The following ERICH1 variants were observed in gnomAD, a reference collection of about 807,000 sequenced individuals.
ERICH1 encodes glutamate-rich protein 1.
A neutral mutation model predicts 39.6 loss-of-function variants in ERICH1; 56 were observed. The observed-to-expected ratio is 1.41, with a 90% confidence interval of 1.14 to 1.77. The LOEUF is 1.77. ERICH1 is among the 40% of genes most tolerant of loss of function. The pLI is 0.00. For missense variants in ERICH1, 826 were observed against 575.4 expected, an observed-to-expected ratio of 1.44 and a Z score of -4.45; for synonymous variants, 313 against 223.6, an observed-to-expected ratio of 1.40 and a Z score of -3.57.
intron 2 of ERICH1, among the ~76,000 whole-genome samples, chr8:708,984 T>C (rs145721833): frequency 1.9e-3 from 287 of 152,180 alleles, no homozygotes; most frequent in African/African-American, 6.6e-3. Context: ...GTGAGCCACT[T>C]TGCCCGGCCA....
intron 1 of ERICH1, among the ~76,000 whole-genome samples, chr8:718,512 G>T (rs1375746193): frequency 6.6e-6 from 1 of 152,174 alleles, no homozygotes; most frequent in Non-Finnish European, 1.5e-5. Flanking sequence ...TGATATAGGT[G>T]TACAGTACAT....
intron 2 of ERICH1, among the ~76,000 whole-genome samples, chr8:708,626 T>A (rs1259302755): frequency 2.7e-5 from 4 of 150,828 alleles, no homozygotes; most frequent in Non-Finnish European, 5.9e-5. Context: ...AGATTAGTGG[T>A]TTCCAGAGGC....
At chr8:674,859 G>A (rs1669735) in intron 3 of ERICH1, among the ~76,000 whole-genome samples, 2,130 of 152,300 alleles carry the variant, frequency 0.014, 56 homozygotes, top group African/African-American at 0.048. Flanking sequence ...GGTTGGTGAT[G>A]TGCTGGTAAA....
At chr8:722,797 G>C (rs547181270) in intron 1 of ERICH1, among the ~76,000 whole-genome samples, 1 of 152,234 alleles carries the variant, frequency 6.6e-6, no homozygotes, top group Non-Finnish European at 1.5e-5. Flanking sequence ...TGAAGAATGA[G>C]ATCAGTTCAA....
intron 1 of ERICH1, among the ~76,000 whole-genome samples, chr8:730,061 C>G (rs184233986): frequency 9.7e-4 from 148 of 152,250 alleles, no homozygotes; most frequent in African/African-American, 3.5e-3. Context: ...AATTCACAGC[C>G]TGCCAGCCCT....
chr8:632,344 G>T (rs1238774508), intron 3 of ERICH1, among the ~76,000 whole-genome samples: 1 of 149,144 alleles, frequency 6.7e-6, no homozygotes, highest in African/African-American at 2.4e-5. Context: ...AAATAATAAT[G>T]AATGCCAAGG....
chr8:634,168 C>CAAAAAAAAAAAAAAAA (rs56687918), intron 3 of ERICH1, among the ~76,000 whole-genome samples: 3 of 91,998 alleles, frequency 3.3e-5, no homozygotes, highest in Non-Finnish European at 6.9e-5. Context: ...TCCTAAAACT[C>CAAAAAAAAAAAAAAAA]AAAAAAAAAA....
intron 3 of ERICH1, among the ~76,000 whole-genome samples, chr8:677,089 C>A (rs1805016757): frequency 6.6e-6 from 1 of 152,246 alleles, no homozygotes. Flanking sequence ...GGCCTGCCCG[C>A]ATGCTGGACA....
chr8:673,090 C>G (rs1166092365), intron 4 of ERICH1, among the ~76,000 whole-genome samples, 199 bp downstream of exon 4: 1 of 152,270 alleles, frequency 6.6e-6, no homozygotes, highest in Non-Finnish European at 1.5e-5. Context: ...CGGTGGAAAG[C>G]ACATAAATAC....
rs943681933 is a variant in ERICH1 at position 628,269 on chromosome 8, C to T, written c.977-12985G>A. On this transcript the variant is annotated intron_variant, in intron 3 of 3. Coordinates refer to the ERICH1 transcript ENST00000522706. ...AGCAGGGTGGAACCCTGGCCAGGGCCCCTGTGTCAGCTCAGAGCTGGCTGT... is the reference window on the plus strand; with the variant it reads ...AGCAGGGTGGAACCCTGGCCAGGGCTCCTGTGTCAGCTCAGAGCTGGCTGT... Among the ~76,000 whole-genome samples, 16 of 152,182 alleles carry T rather than the reference C, an allele frequency of 1.1e-4. 1 individual carries two copies. Among genetic ancestry groups the T allele is most frequent in the Admixed American group, 7.9e-4 (12 of 15,278 alleles).
At chr8:717,588 T>C (rs906887) in intron 1 of ERICH1, among the ~76,000 whole-genome samples, 206 of 152,338 alleles carry the variant, frequency 1.4e-3, no homozygotes, top group African/African-American at 4.8e-3. Flanking sequence ...GAGGAGATGG[T>C]AGGCAGATAA....
intron 3 of ERICH1, among the ~76,000 whole-genome samples, chr8:632,334 A>T (rs567420004): frequency 5.9e-5 from 9 of 152,226 alleles, no homozygotes; most frequent in East Asian, 3.9e-4. Context: ...AGTAAAAAAA[A>T]AATAATAATG....
chr8:663,527 A>AGGCGGGACG (rs1801743578), downstream of ERICH1, among the ~76,000 whole-genome samples: 1 of 151,218 alleles, frequency 6.6e-6, no homozygotes, highest in African/African-American at 2.4e-5. Context: ...CAGGCGGGAC[A>AGGCGGGACG]GGCGGGACAG....
At chr8:688,070 C>T (rs1585315470) in intron 3 of ERICH1, among the ~76,000 whole-genome samples, 1 of 152,180 alleles carries the variant, frequency 6.6e-6, no homozygotes, top group Admixed American at 6.5e-5. Context: ...CGGTCAAATT[C>T]CTCAGGCACC....
At chr8:671,201 T>C (rs1476909111) in intron 4 of ERICH1, among the ~76,000 whole-genome samples, 87 of 75,016 alleles carry the variant, frequency 1.2e-3, no homozygotes, top group African/African-American at 1.7e-3. Flanking sequence ...CTGCCGGCCC[T>C]GGCTGTAATG....
At chr8:697,104 C>T (rs918306835) in intron 2 of ERICH1, among the ~76,000 whole-genome samples, 1 of 152,214 alleles carries the variant, frequency 6.6e-6, no homozygotes, top group African/African-American at 2.4e-5. Context: ...TAGCAGGGCT[C>T]TCTGTATATA....
At chr8:700,578 A>ACAGGCGCACCGG (rs1563300033) in intron 2 of ERICH1, among the ~76,000 whole-genome samples, 4 of 90,430 alleles carry the variant, frequency 4.4e-5, no homozygotes, top group African/African-American at 1.5e-4. Flanking sequence ...AGGCGCACAG[A>ACAGGCGCACCGG]CCCGCACACA....
chr8:708,859 A>AT (rs1387069494), intron 2 of ERICH1, among the ~76,000 whole-genome samples: 1 of 151,352 alleles, frequency 6.6e-6, no homozygotes, highest in African/African-American at 2.4e-5. Flanking sequence ...TACCTGGCTA[A>AT]TTTTTGTACT....
chr8:649,700 G>A (rs1002936796), intron 3 of ERICH1, among the ~76,000 whole-genome samples: 20 of 152,210 alleles, frequency 1.3e-4, no homozygotes, highest in Non-Finnish European at 2.9e-5. Flanking sequence ...GGCAGGAGCT[G>A]GAAGACGGGG....
Sources: gnomAD v4.1 joint callset for allele counts (sites outside exome capture counted in the v4.1 genomes callset) on GRCh38, gnomAD v4.1.1 for gene constraint, MANE v1.5 for transcripts, NCBI Gene and HGNC (gene_info 2026-07-23, HGNC 2026-07-21) for gene names.